Variants in ARHGAP26 observed in about 807,000 individuals in gnomAD.
ARHGAP26 encodes the protein rho GTPase-activating protein 26.
ARHGAP26 carries 38 observed loss-of-function variants against 104.8 expected under a neutral mutation model. The ratio of observed to expected loss-of-function variants is 0.36; its 90% confidence interval spans 0.28 to 0.48. The LOEUF (loss-of-function observed/expected upper bound fraction) is 0.48. Ranked by LOEUF, ARHGAP26 falls within the 20% of genes least tolerant of loss-of-function variation. ARHGAP26 has a pLI of 0.99. For missense variants in ARHGAP26, 704 were observed against 947.9 expected, an observed-to-expected ratio of 0.74 and a Z score of 3.38; for synonymous variants, 341 against 340.0, an observed-to-expected ratio of 1.00 and a Z score of -0.03.
Position 143,075,298 on chromosome 5 carries a change from AAAATAT to A in ARHGAP26, c.1538+17565_1538+17570del, listed in dbSNP as rs557433665. Reference sequence around the variant, plus strand: ...TGTATAGTGATTTTAGTTTCTTATCAAAATATAAATATAAATATATATAAATATAAT... The same window carrying A: ...TGTATAGTGATTTTAGTTTCTTATCAAAATATAAATATATATAAATATAAT... On this transcript the variant is annotated intron_variant, in intron 17 of 22. Transcript: ENST00000645722. Among the ~76,000 whole-genome samples the A allele has an allele frequency of 3.3e-3, 495 of 150,446 alleles. 2 individuals carry two copies. The highest frequency in any genetic ancestry group is 3.5e-3 in the Middle Eastern group (1 of 282).
intron 1 of ARHGAP26, among the ~76,000 whole-genome samples, chr5:142,852,536 C>G (rs987837730): frequency 6.6e-6 from 1 of 152,198 alleles, no homozygotes; most frequent in Non-Finnish European, 1.5e-5. Context: ...TTATAGCATT[C>G]GTGCTATTAA....
chr5:142,812,632 G>A (rs11951301), intron 1 of ARHGAP26, among the ~76,000 whole-genome samples: 503 of 152,034 alleles, frequency 3.3e-3, no homozygotes, highest in Non-Finnish European at 5.3e-3. Flanking sequence ...GCCACCACGC[G>A]CAGCTTCAAT....
rs565172269 is a variant in ARHGAP26 at position 143,002,623 on chromosome 5, C to T, written c.1108-11457C>T. ...CATCCTACATACATGTCAGCTTGCA[C>T]GCCATCTACTTAACTGTCATGCACT... On this transcript the variant is annotated intron_variant, in intron 11 of 22. Coordinates refer to ENST00000645722, the MANE Select transcript of ARHGAP26 (RefSeq NM_001135608.3). Among the ~76,000 whole-genome samples the T allele has an allele frequency of 7.9e-5, 12 of 152,284 alleles. No homozygotes were observed. In the South Asian group the frequency reaches 2.3e-3, roughly 29 times the overall value.
At chr5:143,128,824 G>A (rs1321398548) in intron 18 of ARHGAP26, among the ~76,000 whole-genome samples, 2 of 152,128 alleles carry the variant, frequency 1.3e-5, no homozygotes, top group Admixed American at 1.3e-4. Flanking sequence ...GTTTTGCTTT[G>A]TAATCCCCAG....
chr5:143,216,295 A>G (rs752934240), intron 22 of ARHGAP26: 1 of 470,938 alleles, frequency 2.1e-6, no homozygotes. Context: ...ATCTTCTCAC[A>G]TCTGCTCTTG....
rs70991799 is a variant in ARHGAP26 at position 143,183,073 on chromosome 5, CAAAAA to C, written c.1989-24111_1989-24107del. On this transcript the variant is annotated intron_variant, in intron 20 of 22. Transcript: ENST00000645722. ...TATGCCTCATGCAAATGAAAAGTGG[CAAAAA>C]AAAAAAAAAAAAAGAAAAAAAAACC... is the stretch of plus-strand genomic sequence containing the variant. 1.4e-3 allele frequency among the ~76,000 whole-genome samples: 130 copies of C among 89,940 alleles called. 1 individual carries two copies. Among genetic ancestry groups the C allele is most frequent in the African/African-American group, 4.8e-3 (125 of 26,200 alleles). The allele number at this position is 89,940 out of a possible 152,430, so 59.0% of individuals were successfully genotyped here.
At chr5:142,896,820 C>G (rs1461677348) in intron 6 of ARHGAP26, among the ~76,000 whole-genome samples, 2 of 152,154 alleles carry the variant, frequency 1.3e-5, no homozygotes, top group Non-Finnish European at 2.9e-5. Context: ...CTTTCCCCAT[C>G]TGCAGAATGG....
At chr5:142,925,548 G>A (rs754253330) in intron 10 of ARHGAP26, among the ~76,000 whole-genome samples, 2 of 152,142 alleles carry the variant, frequency 1.3e-5, no homozygotes, top group African/African-American at 2.4e-5. Context: ...TTCTGAACCC[G>A]AACCATTGCA....
chr5:142,947,118 A>AAAAAAAAC (rs1336588621), intron 11 of ARHGAP26: 1 of 144,520 alleles, frequency 6.9e-6, no homozygotes, highest in Non-Finnish European at 1.5e-5. Context: ...AAAAAAAAAA[A>AAAAAAAAC]AGAGAGAGAG....
chr5:142,783,671 AAATACTGCTGTCT>A (rs1184630633), intron 1 of ARHGAP26, among the ~76,000 whole-genome samples: 1 of 152,120 alleles, frequency 6.6e-6, no homozygotes, highest in Non-Finnish European at 1.5e-5. Flanking sequence ...CATTTCTGGC[AAATACTGCTGTCT>A]CTGTTCTGAT....
chr5:142,991,798 A>G (rs542256376), intron 11 of ARHGAP26, among the ~76,000 whole-genome samples: 8 of 152,260 alleles, frequency 5.3e-5, no homozygotes, highest in Admixed American at 4.6e-4. Flanking sequence ...GTGTAAGTGC[A>G]CTCTATGATG....
Position 142,990,465 on chromosome 5 carries a change from T to A in ARHGAP26, c.1108-23615T>A, listed in dbSNP as rs1775421928. Among the ~76,000 whole-genome samples the A allele has an allele frequency of 3.3e-5, 5 of 152,248 alleles. No homozygotes were observed. In the South Asian group the frequency reaches 8.3e-4, roughly 25 times the overall value. On this transcript the variant is annotated intron_variant, in intron 11 of 22. Transcript: ENST00000645722. ...TCTCAAGCCTTCTTCTCTCAACTTG[T>A]CAAAGTCATTCTCCGTCTAGCTTTG...
intron 1 of ARHGAP26, among the ~76,000 whole-genome samples, chr5:142,836,570 A>G (rs989715562): frequency 2.0e-5 from 3 of 152,208 alleles, no homozygotes; most frequent in African/African-American, 7.2e-5. Flanking sequence ...ATCACTGAGT[A>G]TTTTGAGACA....
At chr5:142,938,850 TTTAG>T (rs1195243478) in intron 11 of ARHGAP26, among the ~76,000 whole-genome samples, 3 of 152,222 alleles carry the variant, frequency 2.0e-5, no homozygotes, top group Non-Finnish European at 4.4e-5. Context: ...TCAAGGATTC[TTTAG>T]TTAAATAAAA....
chr5:142,981,094 A>G (rs1773876971), intron 11 of ARHGAP26, among the ~76,000 whole-genome samples: 1 of 152,204 alleles, frequency 6.6e-6, no homozygotes. Context: ...TATAAAGGTG[A>G]TTATGAACAT....
intron 1 of ARHGAP26, among the ~76,000 whole-genome samples, chr5:142,777,469 C>T (rs758377395): frequency 2.0e-5 from 3 of 152,234 alleles, no homozygotes; most frequent in Non-Finnish European, 4.4e-5. Context: ...GTTATCCTGT[C>T]AAGGTCATTG....
chr5:143,135,476 A>G (rs1046337905), intron 19 of ARHGAP26, among the ~76,000 whole-genome samples: 1 of 152,170 alleles, frequency 6.6e-6, no homozygotes. Context: ...GAGAGGCTTC[A>G]TATCTGGATT....
intron 2 of ARHGAP26, chr5:142,874,807 T>G (rs1755849480): frequency 3.6e-6 from 1 of 275,064 alleles, no homozygotes; most frequent in Admixed American, 4.9e-5. Context: ...ACTCTGCCCC[T>G]TCCAGCCCGG....
chr5:143,037,560 A>T (rs1280994746), intron 13 of ARHGAP26, among the ~76,000 whole-genome samples: 1 of 152,170 alleles, frequency 6.6e-6, no homozygotes, highest in Non-Finnish European at 1.5e-5. Flanking sequence ...ATCATGATAT[A>T]TGTGTTTCTT....
Sources: gnomAD v4.1 joint callset for allele counts (sites outside exome capture counted in the v4.1 genomes callset) on GRCh38, gnomAD v4.1.1 for gene constraint, MANE v1.5 for transcripts, NCBI Gene and HGNC (gene_info 2026-07-23, HGNC 2026-07-21) for gene names.